KCNN2: variants seen among roughly 807,000 people sequenced by gnomAD.
KCNN2 encodes potassium calcium-activated channel subfamily N member 2.
Under a neutral mutation model 55.5 loss-of-function variants are expected in KCNN2, and 24 were observed. The observed-to-expected ratio is 0.43, with a 90% CI of 0.31 to 0.61. The LOEUF is 0.61. Ranked by LOEUF, KCNN2 falls within the 20% of genes least tolerant of loss-of-function variation. The pLI is 0.08. For synonymous variants in KCNN2, 431 were observed against 336.1 expected (o/e 1.28, Z -3.09); for missense variants, 754 against 853.6 (o/e 0.88, Z 1.45).
At chr5:114,359,358 G>A (rs1427725324), upstream of KCNN2, among the ~76,000 whole-genome samples, 1 of 152,136 alleles carries the variant, frequency 6.6e-6, no homozygotes, top group East Asian at 1.9e-4. Context: ...ATAAATCTCA[G>A]TAGGCAATTT....
intron 1 of KCNN2, among the ~76,000 whole-genome samples, chr5:114,143,552 C>T (rs528432122): frequency 4.6e-5 from 7 of 152,254 alleles, no homozygotes; most frequent in African/African-American, 1.7e-4. Context: ...CCTCGTGCGT[C>T]CATTTATAGG....
At chr5:114,230,227 T>C (rs1454749669) in intron 2 of KCNN2, among the ~76,000 whole-genome samples, 1 of 151,916 alleles carries the variant, frequency 6.6e-6, no homozygotes, top group Non-Finnish European at 1.5e-5. Flanking sequence ...TCTTCATTTC[T>C]GAGATACTGA....
intron 2 of KCNN2, among the ~76,000 whole-genome samples, chr5:114,235,422 A>C (rs77334844): frequency 6.6e-6 from 1 of 152,212 alleles, no homozygotes; most frequent in Admixed American, 6.5e-5. Context: ...CACCTTAATT[A>C]TAACAGTGTC....
intron 1 of KCNN2, among the ~76,000 whole-genome samples, chr5:114,106,643 G>GTTTTTTTTTTTTTT (rs149036166): frequency 1.3e-4 from 9 of 69,930 alleles, no homozygotes; most frequent in African/African-American, 3.0e-4. Flanking sequence ...TTTTCCAGTT[G>GTTTTTTTTTTTTTT]TTTTTTTTTT....
chr5:114,183,793 A>G (rs1317793400), intron 1 of KCNN2, among the ~76,000 whole-genome samples: 1 of 151,732 alleles, frequency 6.6e-6, no homozygotes, highest in African/African-American at 2.4e-5. Context: ...ATCTTTTCCA[A>G]TAACCAACCT....
intron 1 of KCNN2, among the ~76,000 whole-genome samples, chr5:114,087,170 TA>T (rs142197365): frequency 0.016 from 2,385 of 152,298 alleles, 56 homozygotes; most frequent in African/African-American, 0.054. Flanking sequence ...AGATTCTGGA[TA>T]TTAGACCTTT....
chr5:114,301,871 G>A (rs1389671280), intron 2 of KCNN2, among the ~76,000 whole-genome samples: 1 of 152,134 alleles, frequency 6.6e-6, no homozygotes, highest in East Asian at 1.9e-4. Flanking sequence ...GGTTTGTTAA[G>A]TGACCAGGAA....
intron 1 of KCNN2, among the ~76,000 whole-genome samples, chr5:114,218,965 A>G (rs1473184452): frequency 6.6e-6 from 1 of 152,244 alleles, no homozygotes; most frequent in Admixed American, 6.5e-5. Context: ...TGAGCAAAGA[A>G]GTGCAGGAAC....
chr5:114,408,160 T>C (rs1352195498), intron 3 of KCNN2, among the ~76,000 whole-genome samples: 2 of 151,806 alleles, frequency 1.3e-5, no homozygotes, highest in African/African-American at 4.8e-5. Flanking sequence ...TGCATTCTCA[T>C]GTCAGGTAAG....
At chr5:114,187,137 C>T (rs534964029) in intron 1 of KCNN2, among the ~76,000 whole-genome samples, 2 of 152,064 alleles carry the variant, frequency 1.3e-5, no homozygotes, top group Non-Finnish European at 2.9e-5. Flanking sequence ...TTAATTTTAT[C>T]CTAAATGACT....
rs1752685462 is a variant in KCNN2, at chr5:114,158,311, G to A, written c.-270-63169G>A. Among the ~76,000 whole-genome samples the A allele has an allele frequency of 5.3e-5, 8 of 152,258 alleles. No individual in the cohort carries two copies. In the South Asian group the frequency reaches 1.7e-3, roughly 32 times the overall value. ...CAGGTTTGTCAAAGATCAGATAGTT[G>A]TAGTTATGCGGCATTATTTCTGAGG... On this transcript the variant is annotated intron_variant, in intron 1 of 10. Coordinates refer to the KCNN2 transcript ENST00000512097.
intron 2 of KCNN2, among the ~76,000 whole-genome samples, chr5:114,355,761 A>G (rs1242865894): frequency 6.6e-6 from 1 of 152,194 alleles, no homozygotes; most frequent in African/African-American, 2.4e-5. Flanking sequence ...ATTATTTGAA[A>G]AAACTAAATA....
At chr5:114,153,757 G>T (rs1458215479) in intron 1 of KCNN2, among the ~76,000 whole-genome samples, 1 of 152,168 alleles carries the variant, frequency 6.6e-6, no homozygotes, top group Admixed American at 6.6e-5. Flanking sequence ...AGGCAGCATC[G>T]CCTTGGCTCT....
At chr5:114,163,200 T>C (rs1752830177) in intron 1 of KCNN2, among the ~76,000 whole-genome samples, 2 of 152,168 alleles carry the variant, frequency 1.3e-5, no homozygotes, top group Non-Finnish European at 2.9e-5. Flanking sequence ...GCTGAGATAA[T>C]GGGGTTTTCT....
At chr5:114,252,253 A>G (rs1372135916) in intron 2 of KCNN2, among the ~76,000 whole-genome samples, 1 of 152,152 alleles carries the variant, frequency 6.6e-6, no homozygotes, top group African/African-American at 2.4e-5. Flanking sequence ...CTATGTACTT[A>G]AAGTTATCAA....
intron 5 of KCNN2, among the ~76,000 whole-genome samples, chr5:114,479,383 C>A (rs571979995): frequency 2.6e-5 from 4 of 152,040 alleles, no homozygotes; most frequent in African/African-American, 9.6e-5. Context: ...ATATATGCAC[C>A]CAATACAGGA....
intron 1 of KCNN2, among the ~76,000 whole-genome samples, chr5:114,211,715 G>A (rs536556276): frequency 1.3e-5 from 2 of 151,972 alleles, no homozygotes; most frequent in African/African-American, 4.8e-5. Context: ...AAGTTAAAAA[G>A]ATGTTACAGT....
chr5:114,410,651 TA>T (rs1391006969), intron 3 of KCNN2, among the ~76,000 whole-genome samples: 2 of 152,154 alleles, frequency 1.3e-5, no homozygotes, highest in South Asian at 4.1e-4. Context: ...AATGCTGTGT[TA>T]GGGGGCAAAT....
rs550128250 is a variant in KCNN2 at position 114,422,190 on chromosome 5, C to T, written c.1637+17334C>T. Among the ~76,000 whole-genome samples the T allele has an allele frequency of 5.3e-5, 8 of 152,274 alleles. No homozygotes were observed. The East Asian group carries it at 5.8e-4, about 11-fold the overall frequency. ...CAAATCAAGGGGGCTATTTTAGACA[C>T]GTCTTACTGCTATAGATTAAATTTT... On this transcript the variant is annotated intron_variant, in intron 3 of 7. Transcript: ENST00000673685.
Sources: allele counts gnomAD v4.1 joint callset (sites outside exome capture counted in the v4.1 genomes callset), GRCh38; gene constraint gnomAD v4.1.1; transcripts MANE v1.5; gene names NCBI Gene and HGNC (gene_info 2026-07-23, HGNC 2026-07-21).